FAM81A: variants seen among roughly 807,000 people sequenced by gnomAD.
The protein encoded by FAM81A is family with sequence similarity 81 member A.
FAM81A carries 19 observed loss-of-function variants against 46.7 expected under a neutral mutation model. The ratio of observed to expected loss-of-function variants is 0.41; its 90% CI spans 0.28 to 0.60. FAM81A has a LOEUF of 0.60. Among genes scored for constraint, FAM81A ranks in the 20% least tolerant of loss-of-function variants. The pLI is 0.34. For missense variants in FAM81A, 377 were observed against 453.5 expected, an observed-to-expected ratio of 0.83 and a Z score of 1.53; for synonymous variants, 183 against 152.9, an observed-to-expected ratio of 1.20 and a Z score of -1.45.
chr15:59,401,108 C>T, intron 1 of FAM81A: 2 of 591,040 alleles, frequency 3.4e-6, no homozygotes, highest in Admixed American at 2.9e-5. Flanking sequence ...TTTAATAAAT[C>T]TCTTGATGAT....
chr15:59,466,375 C>T (rs1329112605), intron 3 of FAM81A, among the ~76,000 whole-genome samples: 2 of 152,100 alleles, frequency 1.3e-5, no homozygotes, highest in African/African-American at 4.8e-5. Context: ...CTGTTGTTTC[C>T]TGACTTTTTA....
chr15:59,500,268 T>C (rs2082077461), intron 4 of FAM81A, among the ~76,000 whole-genome samples: 1 of 152,180 alleles, frequency 6.6e-6, no homozygotes, highest in Admixed American at 6.6e-5. Flanking sequence ...CCATTATTTT[T>C]TGAATATTTT....
At chr15:59,401,189 T>C in intron 1 of FAM81A, 1 of 804,540 alleles carries the variant, frequency 1.2e-6, no homozygotes, top group Non-Finnish European at 2.2e-6. Flanking sequence ...AATTGGTGCG[T>C]AGTCCTCAAT....
intron 1 of FAM81A, chr15:59,446,340 G>A (rs1210122001): frequency 2.6e-5 from 4 of 152,224 alleles, no homozygotes; most frequent in African/African-American, 9.6e-5. Context: ...AAGCTGTGGA[G>A]AGTGGATTGA....
At chr15:59,401,592 G>A (rs1426554401) in intron 1 of FAM81A, 21 of 870,670 alleles carry the variant, frequency 2.4e-5, no homozygotes, top group South Asian at 2.0e-4. Flanking sequence ...TTCCTTGTTC[G>A]AATAACTTTT....
intron 4 of FAM81A, among the ~76,000 whole-genome samples, chr15:59,501,076 T>C (rs1391730551): frequency 2.6e-5 from 4 of 152,206 alleles, no homozygotes; most frequent in African/African-American, 9.6e-5. Flanking sequence ...CCATTTTAGA[T>C]AATATATTGT....
At chr15:59,435,609 G>A (rs2081239871), upstream of FAM81A, among the ~76,000 whole-genome samples, 1 of 152,208 alleles carries the variant, frequency 6.6e-6, no homozygotes, top group African/African-American at 2.4e-5. Context: ...GTGACAGAGT[G>A]AGACTCTGTC....
intron 3 of FAM81A, among the ~76,000 whole-genome samples, chr15:59,484,340 C>T (rs1182802044): frequency 6.6e-6 from 1 of 152,148 alleles, no homozygotes; most frequent in Non-Finnish European, 1.5e-5. Flanking sequence ...TTGTCCTCCC[C>T]ACATGAACAC....
intron 3 of FAM81A, among the ~76,000 whole-genome samples, chr15:59,470,353 A>T (rs1429137200): frequency 6.6e-6 from 1 of 152,148 alleles, no homozygotes; most frequent in East Asian, 1.9e-4. Context: ...TCCAATGTAG[A>T]TTTGGTCTTT....
At chr15:59,492,538 G>T in intron 4 of FAM81A, 149 bp downstream of exon 4, 1 of 642,808 alleles carries the variant, frequency 1.6e-6, no homozygotes, top group South Asian at 2.0e-5. Flanking sequence ...AAAATCCAGT[G>T]GTAGGAGTTA....
At chr15:59,474,252 A>C (rs2081737347) in intron 3 of FAM81A, among the ~76,000 whole-genome samples, 1 of 152,240 alleles carries the variant, frequency 6.6e-6, no homozygotes, top group African/African-American at 2.4e-5. Context: ...AATGCGGTGA[A>C]TGCTGTCATA....
intron 1 of FAM81A, among the ~76,000 whole-genome samples, chr15:59,400,553 G>T (rs1289800930): frequency 6.6e-6 from 1 of 152,092 alleles, no homozygotes; most frequent in African/African-American, 2.4e-5. Flanking sequence ...AAACCCTAGG[G>T]TGGCTAACTG....
intron 4 of FAM81A, among the ~76,000 whole-genome samples, chr15:59,495,273 G>C (rs893880508): frequency 2.0e-5 from 3 of 152,068 alleles, no homozygotes; most frequent in Non-Finnish European, 4.4e-5. Context: ...TGAGCATTTC[G>C]AGTGAATGTG....
intron 3 of FAM81A, among the ~76,000 whole-genome samples, chr15:59,464,850 G>A (rs907134813): frequency 6.6e-6 from 1 of 151,982 alleles, no homozygotes; most frequent in African/African-American, 2.4e-5. Context: ...TGCTTTTGTT[G>A]TCTGTGCTTT....
At chr15:59,479,595 G>A (rs1405049020) in intron 3 of FAM81A, among the ~76,000 whole-genome samples, 4 of 151,380 alleles carry the variant, frequency 2.6e-5, no homozygotes, top group Non-Finnish European at 5.9e-5. Flanking sequence ...TGACATATGG[G>A]GCCAGGCAAG....
intron 2 of FAM81A, among the ~76,000 whole-genome samples, chr15:59,431,912 A>G (rs1455979256): frequency 6.6e-6 from 1 of 152,226 alleles, no homozygotes; most frequent in African/African-American, 2.4e-5. Context: ...CAACCCTTTC[A>G]CATTGCCTTG....
chr15:59,437,981 G>C (rs534238378), upstream of FAM81A, among the ~76,000 whole-genome samples: 601 of 151,846 alleles, frequency 4.0e-3, 15 homozygotes, highest in East Asian at 8.7e-3. Context: ...AGGAGGGGCG[G>C]CGCCGCCAGG....
intron 6 of FAM81A, among the ~76,000 whole-genome samples, chr15:59,513,479 G>C (rs925291480): frequency 6.6e-6 from 1 of 152,146 alleles, no homozygotes; most frequent in Non-Finnish European, 1.5e-5. Context: ...TGCCTGTGCC[G>C]CGTACTCCTC....
rs757943155 is a variant in FAM81A at position 59,498,855 on chromosome 15, A to G, written c.413+6466A>G. On this transcript the variant is annotated intron_variant, in intron 4 of 8. Transcript: ENST00000288228. ...TTTCTGTTAGAGATGGGGATTCGCC[A>G]TATTGGCCAGGCTGGTCTCGAACTC... Among the ~76,000 whole-genome samples the G allele has an allele frequency of 8.5e-4, 130 of 152,282 alleles. 1 individual carries two copies. The highest frequency in any genetic ancestry group is 1.6e-3 in the Non-Finnish European group (112 of 68,028).
Sources: allele counts gnomAD v4.1 joint callset (sites outside exome capture counted in the v4.1 genomes callset), GRCh38; gene constraint gnomAD v4.1.1; transcripts MANE v1.5; gene names NCBI Gene and HGNC (gene_info 2026-07-23, HGNC 2026-07-21).